THSD7B: variants seen among roughly 807,000 people sequenced by gnomAD.
The protein encoded by THSD7B is thrombospondin type-1 domain-containing protein 7B.
Under a neutral mutation model 213.6 loss-of-function variants are expected in THSD7B, and 138 were observed. The observed-to-expected ratio is 0.65, with a 90% CI of 0.56 to 0.74. THSD7B has a LOEUF of 0.74. THSD7B is among the 30% of genes least tolerant of loss of function. The pLI, the probability that THSD7B is intolerant of heterozygous loss-of-function variation, is 0.00. For synonymous variants in THSD7B, 742 were observed against 687.0 expected (o/e 1.08, Z -1.25); for missense variants, 1,931 against 1,991.5 (o/e 0.97, Z 0.58).
chr2:137,199,482 C>T (rs945252235), intron 7 of THSD7B, among the ~76,000 whole-genome samples: 2 of 152,074 alleles, frequency 1.3e-5, no homozygotes, highest in Non-Finnish European at 2.9e-5. Context: ...TAAAGATTCA[C>T]TTAGTTATTT....
chr2:137,140,824 A>C (rs1679571267), intron 5 of THSD7B, among the ~76,000 whole-genome samples: 1 of 152,310 alleles, frequency 6.6e-6, no homozygotes, highest in African/African-American at 2.4e-5. Flanking sequence ...TTTAACAAAA[A>C]AGGAATAAGT....
intron 7 of THSD7B, among the ~76,000 whole-genome samples, chr2:137,191,282 T>C (rs181894975): frequency 6.6e-6 from 1 of 152,362 alleles, no homozygotes; most frequent in African/African-American, 2.4e-5. Context: ...CTCTCCATGT[T>C]AGTTTGCTAC....
intron 16 of THSD7B, among the ~76,000 whole-genome samples, chr2:137,567,923 G>C (rs1681272590): frequency 6.6e-6 from 1 of 151,992 alleles, no homozygotes; most frequent in African/African-American, 2.4e-5. Context: ...TGAGTCCTGG[G>C]GAACTCCAAC....
chr2:137,318,707 A>C (rs1310895768), intron 12 of THSD7B, among the ~76,000 whole-genome samples: 1 of 151,846 alleles, frequency 6.6e-6, no homozygotes, highest in Non-Finnish European at 1.5e-5. Context: ...TCTATACTTA[A>C]GAGCTTTGTA....
chr2:137,450,341 T>C (rs139400340), intron 14 of THSD7B, among the ~76,000 whole-genome samples: 1 of 152,342 alleles, frequency 6.6e-6, no homozygotes, highest in East Asian at 1.9e-4. Flanking sequence ...TCTTCTACTG[T>C]CTTCTTTCAA....
intron 10 of THSD7B, among the ~76,000 whole-genome samples, chr2:137,259,546 A>T (rs753680081): frequency 4.3e-4 from 66 of 151,852 alleles, no homozygotes; most frequent in Non-Finnish European, 7.5e-4. Context: ...TTTTTCTTGT[A>T]AATTTGTTTA....
At chr2:137,390,288 T>G (rs189064287) in intron 12 of THSD7B, among the ~76,000 whole-genome samples, 346 of 152,270 alleles carry the variant, frequency 2.3e-3, no homozygotes, top group African/African-American at 7.5e-3. Flanking sequence ...TTTTTAGATT[T>G]TTTTTGTAGG....
intron 2 of THSD7B, among the ~76,000 whole-genome samples, chr2:136,950,123 G>A (rs1701903): frequency 0.41 from 61,602 of 152,050 alleles, 14,776 homozygotes; most frequent in Non-Finnish European, 0.55. Flanking sequence ...GTGGTGGCAC[G>A]TGGCTGTAGT....
chr2:137,583,922 C>A (rs1405115622), intron 17 of THSD7B, among the ~76,000 whole-genome samples: 1 of 152,090 alleles, frequency 6.6e-6, no homozygotes, highest in African/African-American at 2.4e-5. Context: ...TATAAATTAC[C>A]TTTGGCAGTA....
intron 15 of THSD7B, among the ~76,000 whole-genome samples, chr2:137,465,478 T>C (rs973910495): frequency 1.3e-5 from 2 of 152,106 alleles, no homozygotes; most frequent in Non-Finnish European, 2.9e-5. Context: ...TATATGTTTA[T>C]AAATCTCCAG....
At chr2:137,045,384 GAC>G (rs1487128948) in intron 2 of THSD7B, among the ~76,000 whole-genome samples, 1 of 152,150 alleles carries the variant, frequency 6.6e-6, no homozygotes, top group Non-Finnish European at 1.5e-5. Context: ...GCTGCTAAGT[GAC>G]TAGTGGAGAG....
intron 15 of THSD7B, among the ~76,000 whole-genome samples, chr2:137,483,704 G>C (rs1391911241): frequency 6.6e-6 from 1 of 152,214 alleles, no homozygotes; most frequent in South Asian, 2.1e-4. Flanking sequence ...CCTGTAGGAT[G>C]ATTCTAACAA....
intron 15 of THSD7B, among the ~76,000 whole-genome samples, chr2:137,459,792 T>C (rs950043338): frequency 1.3e-5 from 2 of 152,062 alleles, no homozygotes; most frequent in Admixed American, 1.3e-4. Context: ...ATCACTGGGA[T>C]TGGGAGGAGA....
chr2:137,070,623 A>G (rs566774900), intron 3 of THSD7B, among the ~76,000 whole-genome samples: 11 of 151,988 alleles, frequency 7.2e-5, no homozygotes, highest in African/African-American at 2.4e-4. Flanking sequence ...CAGGTTTGCT[A>G]CATATGTATA....
chr2:137,553,638 G>T (rs552860216), intron 15 of THSD7B, among the ~76,000 whole-genome samples: 104 of 152,298 alleles, frequency 6.8e-4, no homozygotes, highest in African/African-American at 2.4e-3. Context: ...GGACTTTTCA[G>T]TGGCATTTTT....
intron 12 of THSD7B, among the ~76,000 whole-genome samples, chr2:137,337,788 A>G (rs1684673562): frequency 1.3e-5 from 2 of 151,956 alleles, no homozygotes; most frequent in Admixed American, 1.3e-4. Flanking sequence ...TTTTCCAACT[A>G]TTTATATTGG....
intron 12 of THSD7B, among the ~76,000 whole-genome samples, chr2:137,332,484 G>T (rs1337364868): frequency 6.6e-6 from 1 of 152,118 alleles, no homozygotes; most frequent in Non-Finnish European, 1.5e-5. Context: ...GATTTGCTTT[G>T]TCTTAGATGA....
intron 2 of THSD7B, among the ~76,000 whole-genome samples, chr2:136,984,300 G>A (rs1685634701): frequency 6.6e-6 from 1 of 152,224 alleles, no homozygotes; most frequent in Admixed American, 6.5e-5. Context: ...CCAAATGTTG[G>A]AGGTGGGGCC....
At chr2:137,290,024 A>G (rs1683287292) in intron 12 of THSD7B, among the ~76,000 whole-genome samples, 1 of 152,038 alleles carries the variant, frequency 6.6e-6, no homozygotes, top group Non-Finnish European at 1.5e-5. Flanking sequence ...AAATGGCTCA[A>G]TGTACATAGA....
Sources: gnomAD v4.1 joint callset for allele counts (sites outside exome capture counted in the v4.1 genomes callset) on GRCh38, gnomAD v4.1.1 for gene constraint, MANE v1.5 for transcripts, NCBI Gene and HGNC (gene_info 2026-07-23, HGNC 2026-07-21) for gene names.